The following CFAP44 variants were observed in gnomAD, a reference collection of about 807,000 sequenced individuals.
The protein encoded by CFAP44 is cilia- and flagella-associated protein 44.
CFAP44 carries 134 observed loss-of-function variants against 216.2 expected under a neutral mutation model. The ratio of observed to expected loss-of-function variants is 0.62; its 90% CI spans 0.54 to 0.72. The LOEUF (loss-of-function observed/expected upper bound fraction) is 0.72. Among genes scored for constraint, CFAP44 ranks in the 30% least tolerant of loss-of-function variants. The probability of loss-of-function intolerance (pLI) is 0.00; values close to 1 mark genes in which losing one functional copy is unlikely to be tolerated. For synonymous variants in CFAP44, 700 were observed against 727.6 expected, an observed-to-expected ratio of 0.96 and a Z score of 0.61; for missense variants, 2,035 against 2,182.1, an observed-to-expected ratio of 0.93 and a Z score of 1.34.
chr3:113,353,817 G>A (rs1021591289), intron 22 of CFAP44, among the ~76,000 whole-genome samples: 6 of 152,066 alleles, frequency 3.9e-5, no homozygotes, highest in African/African-American at 9.7e-5. Context: ...ATCTGCAGAG[G>A]GCTCCCTTCC....
At chr3:113,338,899 A>G (rs904610121) in intron 24 of CFAP44, among the ~76,000 whole-genome samples, 4 of 152,158 alleles carry the variant, frequency 2.6e-5, no homozygotes, top group African/African-American at 9.7e-5. Context: ...CCGGAGGAGC[A>G]AGGCTGGAGA....
In CFAP44 at chr3:113,305,104, C is replaced by T. The variant is rs1398459044; in HGVS notation, c.4807G>A (p.Ala1603Thr). Residue 1603 changes from alanine (A) to threonine (T), a missense_variant, in exon 31 of 35, where the codon GCT (alanine) becomes ACT (threonine). Ala to Thr is a moderately conservative substitution (Grantham distance 58). Transcript: ENST00000393845. Reference sequence around the variant, plus strand: ...CGCTGCTGCTTCTCTCGCTGATAAGCCTCCAGGGCCTCCTCTGCTGCATTC... The same window carrying T: ...CGCTGCTGCTTCTCTCGCTGATAAGTCTCCAGGGCCTCCTCTGCTGCATTC... ...NLNAAEEALEAYQREKQQRLN... is the reference protein window; with the variant it reads ...NLNAAEEALETYQREKQQRLN... 58 of 1,537,264 alleles carry T rather than the reference C, an allele frequency of 3.8e-5. No individual in the cohort carries two copies. The highest frequency in any genetic ancestry group is 5.0e-5 in the Non-Finnish European group (57 of 1,146,902).
At chr3:113,406,623 CAA>C (rs760843818) in intron 8 of CFAP44, among the ~76,000 whole-genome samples, 36 of 79,796 alleles carry the variant, frequency 4.5e-4, no homozygotes, top group Admixed American at 7.1e-4. Context: ...GACCCTGTCT[CAA>C]AAAAAAAAAA....
In CFAP44 at chr3:113,288,428, GAGA is replaced by G. The variant is rs1451760927; in HGVS notation, c.*3126_*3128del. The G allele has an allele frequency of 1.3e-5, 2 of 152,186 alleles. No homozygotes were observed. The highest frequency in any genetic ancestry group is 4.8e-5 in the African/African-American group (2 of 41,430). 9.4% of individuals were successfully genotyped at this position (152,186 alleles called of 1,614,324 possible). On this transcript the variant is annotated 3_prime_UTR_variant, in exon 35 of 35. Coordinates refer to ENST00000393845, the MANE Select transcript of CFAP44 (RefSeq NM_001164496.2). ...AAGGAACAGGTAAATGTTAGGAAAT[GAGA>G]AGCAGAGCAGGGAAGAGAAGAGAAA...
At chr3:113,415,038 G>C (rs934758421) in intron 6 of CFAP44, among the ~76,000 whole-genome samples, 1 of 152,064 alleles carries the variant, frequency 6.6e-6, no homozygotes, top group Non-Finnish European at 1.5e-5. Flanking sequence ...CTCAATTTCA[G>C]AGCATGTTAT....
chr3:113,366,792 A>G (rs1341762954), intron 18 of CFAP44, among the ~76,000 whole-genome samples: 1 of 152,142 alleles, frequency 6.6e-6, no homozygotes, highest in Non-Finnish European at 1.5e-5. Flanking sequence ...GGGTCAGGAG[A>G]TTTTCCTTTC....
At chr3:113,417,336 T>A (rs1468554934) in intron 5 of CFAP44, 1 of 152,166 alleles carries the variant, frequency 6.6e-6, no homozygotes, top group Admixed American at 6.6e-5. Flanking sequence ...ATACAGTAAG[T>A]ATGCCCTGGA....
At chr3:113,419,651 C>T (rs1044876891) in intron 5 of CFAP44, among the ~76,000 whole-genome samples, 1 of 152,168 alleles carries the variant, frequency 6.6e-6, no homozygotes, top group African/African-American at 2.4e-5. Flanking sequence ...TCTCCATTCC[C>T]ATGGCCATGT....
intron 15 of CFAP44, among the ~76,000 whole-genome samples, chr3:113,389,011 TA>T (rs1215396582): frequency 7.9e-5 from 12 of 152,214 alleles, no homozygotes; most frequent in Non-Finnish European, 1.3e-4. Context: ...TAATCTGCAC[TA>T]TAGACCAAAT....
intron 17 of CFAP44, among the ~76,000 whole-genome samples, chr3:113,376,643 T>G (rs750272157): frequency 6.6e-6 from 1 of 152,172 alleles, no homozygotes; most frequent in Non-Finnish European, 1.5e-5. Context: ...GACAGAGAAT[T>G]GACCTCTGAG....
At chr3:113,388,576 C>G (rs556078063) in intron 15 of CFAP44, among the ~76,000 whole-genome samples, 1 of 152,236 alleles carries the variant, frequency 6.6e-6, no homozygotes, top group East Asian at 1.9e-4. Context: ...GGACTAAACT[C>G]TCTAAACAAA....
chr3:113,341,657 A>AT, intron 24 of CFAP44, 87 bp downstream of exon 24: 1 of 1,254,130 alleles, frequency 8.0e-7, no homozygotes, highest in Non-Finnish European at 1.0e-6. Context: ...AATGATAACA[A>AT]TGTCAATAAA....
At chr3:113,400,451 C>T in intron 12 of CFAP44, 94 bp downstream of exon 12, 1 of 1,119,306 alleles carries the variant, frequency 8.9e-7, no homozygotes. Context: ...TTGGGAAAAT[C>T]CCCAAATGCT....
At chr3:113,364,358 T>C (rs1041639645) in intron 19 of CFAP44, among the ~76,000 whole-genome samples, 1 of 152,196 alleles carries the variant, frequency 6.6e-6, no homozygotes, top group Non-Finnish European at 1.5e-5. Flanking sequence ...TCTCTTTTGA[T>C]AAAGTTGTTT....
intron 15 of CFAP44, among the ~76,000 whole-genome samples, chr3:113,395,315 T>C (rs1933959785): frequency 6.6e-6 from 1 of 151,878 alleles, no homozygotes; most frequent in Non-Finnish European, 1.5e-5. Context: ...GAAGAGAAAA[T>C]AGATGTGGAT....
At chr3:113,343,784 T>TAA (rs1950356786) in intron 23 of CFAP44, among the ~76,000 whole-genome samples, 1 of 152,286 alleles carries the variant, frequency 6.6e-6, no homozygotes, top group South Asian at 2.1e-4. Flanking sequence ...GGACAGCGGT[T>TAA]TCAGAATTTA....
chr3:113,373,260 T>G, intron 18 of CFAP44, 151 bp downstream of exon 18: 1 of 690,520 alleles, frequency 1.4e-6, no homozygotes, highest in Non-Finnish European at 2.1e-6. Context: ...TAGCTTTGAT[T>G]TTATTTATTC....
chr3:113,306,707 A>C (rs1196632552), intron 29 of CFAP44, among the ~76,000 whole-genome samples: 3 of 152,202 alleles, frequency 2.0e-5, no homozygotes, highest in Non-Finnish European at 4.4e-5. Context: ...CAAGTGCATT[A>C]TCTCTCTATT....
chr3:113,347,741 C>T (rs557018304), intron 22 of CFAP44, among the ~76,000 whole-genome samples: 1 of 152,162 alleles, frequency 6.6e-6, no homozygotes, highest in Admixed American at 6.5e-5. Flanking sequence ...CAAGTGAGGA[C>T]AAAAGGCGTC....
Sources: allele counts gnomAD v4.1 joint callset (sites outside exome capture counted in the v4.1 genomes callset), GRCh38; gene constraint gnomAD v4.1.1; transcripts MANE v1.5; gene names NCBI Gene and HGNC (gene_info 2026-07-23, HGNC 2026-07-21).